The following PTGIS variants were observed in gnomAD, a reference collection of about 807,000 sequenced individuals.
The protein encoded by PTGIS is prostacyclin synthase.
PTGIS carries 45 observed loss-of-function variants against 50.3 expected under a neutral mutation model. The observed-to-expected ratio is 0.90, with a 90% CI of 0.70 to 1.15. The LOEUF is 1.15. PTGIS is among the 50% of genes most tolerant of loss of function. PTGIS has a pLI of 0.00. For missense variants in PTGIS, 668 were observed against 661.3 expected (o/e 1.01, Z -0.11); for synonymous variants, 260 against 267.7 (o/e 0.97, Z 0.28).
intron 2 of PTGIS, among the ~76,000 whole-genome samples, chr20:49,549,582 G>A (rs1982452431): frequency 6.6e-6 from 1 of 151,452 alleles, no homozygotes; most frequent in Non-Finnish European, 1.5e-5. Context: ...ACACATGAAG[G>A]GATAGAAGAT....
At chr20:49,519,206 C>T (rs1981580711) in intron 6 of PTGIS, among the ~76,000 whole-genome samples, 1 of 151,604 alleles carries the variant, frequency 6.6e-6, no homozygotes, top group Admixed American at 6.6e-5. Context: ...GGTCTCGGCC[C>T]ACAGAGTCCT....
At position 49,550,155 on chromosome 20, in the gene PTGIS, T is replaced by A. The variant is rs1434437386; in HGVS notation, c.109A>T (p.Ile37Phe). The A allele has an allele frequency of 6.2e-7, 1 of 1,613,954 alleles. No individual in the cohort carries two copies. Among genetic ancestry groups the A allele is most frequent in the East Asian group, 2.2e-5 (1 of 44,888 alleles). ...TCCAAGGCATACCCCAACCAGGGGATGCTGCCCAGGTCCAGGGGAGGCTCA... is the reference window on the plus strand; with the variant it reads ...TCCAAGGCATACCCCAACCAGGGGAAGCTGCCCAGGTCCAGGGGAGGCTCA... ...PGEPPLDLGS[I>F]PWLGYALDFG... The change falls in exon 2 of 10, where the codon ATC becomes TTC. Residue 37 changes from isoleucine to phenylalanine, a missense_variant. Transcript: ENST00000244043.
At chr20:49,567,667 AC>A (rs1982933666) in intron 1 of PTGIS, among the ~76,000 whole-genome samples, 1 of 152,016 alleles carries the variant, frequency 6.6e-6, no homozygotes, top group African/African-American at 2.4e-5. Flanking sequence ...CGCTTCTTCC[AC>A]CCGGGCCACG....
intron 5 of PTGIS, among the ~76,000 whole-genome samples, chr20:49,533,915 C>T (rs541762231): frequency 3.5e-4 from 53 of 152,066 alleles, no homozygotes; most frequent in Admixed American, 3.0e-3. Context: ...GAGCTAAGAT[C>T]GTGCCACTGC....
At chr20:49,516,064 G>A (rs2122844273) in intron 6 of PTGIS, among the ~76,000 whole-genome samples, 1 of 147,434 alleles carries the variant, frequency 6.8e-6, no homozygotes, top group African/African-American at 2.5e-5. Context: ...TTTTTTGGTA[G>A]AGATGGAGGT....
chr20:49,508,280 G>A (rs1326971664), intron 9 of PTGIS, among the ~76,000 whole-genome samples: 1 of 152,210 alleles, frequency 6.6e-6, no homozygotes, highest in Non-Finnish European at 1.5e-5. Flanking sequence ...TCTGGTGAAT[G>A]GGCTGTGTGC....
chr20:49,546,492 C>T (rs1225654094), intron 3 of PTGIS, among the ~76,000 whole-genome samples: 1 of 152,218 alleles, frequency 6.6e-6, no homozygotes, highest in African/African-American at 2.4e-5. Context: ...AGATGCTCTT[C>T]CTAACCTCCA....
At position 49,505,031 on chromosome 20, in the gene PTGIS, G is replaced by T. The variant is rs1436897726; in HGVS notation, c.*2889C>A. On this transcript the variant is annotated 3_prime_UTR_variant, in exon 10 of 10. Coordinates refer to ENST00000244043, the MANE Select transcript of PTGIS (RefSeq NM_000961.4). ...CCAGCTACTCAGGAGGCTGAGGCAG[G>T]AGAATGGTGTGAACACGGGAGGCAG... 2 of 148,660 alleles carry T rather than the reference G, an allele frequency of 1.3e-5. No homozygotes were observed. The highest frequency in any genetic ancestry group is 6.7e-5 in the Admixed American group (1 of 14,822). The allele number at this position is 148,660 out of a possible 1,614,324, so 9.2% of individuals were successfully genotyped here.
At chr20:49,559,138 C>T (rs565527419) in intron 1 of PTGIS, among the ~76,000 whole-genome samples, 29 of 152,196 alleles carry the variant, frequency 1.9e-4, no homozygotes, top group Middle Eastern at 3.4e-3. Flanking sequence ...ATCCTGCTGT[C>T]CCGATATTTT....
At chr20:49,564,173 T>C (rs1982840119) in intron 1 of PTGIS, among the ~76,000 whole-genome samples, 1 of 152,252 alleles carries the variant, frequency 6.6e-6, no homozygotes, top group Non-Finnish European at 1.5e-5. Flanking sequence ...TATCTTTTTA[T>C]ATTCTCAGGC....
intron 5 of PTGIS, among the ~76,000 whole-genome samples, chr20:49,524,952 C>T (rs572673254): frequency 1.3e-5 from 2 of 152,206 alleles, no homozygotes; most frequent in South Asian, 4.1e-4. Context: ...AATGGTAGTT[C>T]TTTCCAGAGC....
At chr20:49,551,820 G>A (rs498016) in intron 1 of PTGIS, among the ~76,000 whole-genome samples, 1 of 137,106 alleles carries the variant, frequency 7.3e-6, no homozygotes. Flanking sequence ...GTGTGTGTGT[G>A]TGTGTGTGTG....
rs193282905 is a variant in PTGIS at position 49,503,963 on chromosome 20, C to T, written c.*3957G>A. ...TAGAATCTTTATTAAAATAGCAAGG[C>T]ATAACAATCACTGCTACTCAGGAAA... On this transcript the variant is annotated 3_prime_UTR_variant, in exon 10 of 10. Coordinates refer to ENST00000244043, the MANE Select transcript of PTGIS (RefSeq NM_000961.4). The T allele has an allele frequency of 6.6e-6, 1 of 152,382 alleles. No individual in the cohort carries two copies. The highest frequency in any genetic ancestry group is 6.5e-5 in the Admixed American group (1 of 15,306). 9.4% of individuals were successfully genotyped at this position (152,382 alleles called of 1,614,324 possible). A position where few individuals can be genotyped will look rare whatever the true frequency, so the allele number is the denominator to read the frequency against.
chr20:49,532,878 C>T (rs562270279), intron 5 of PTGIS, among the ~76,000 whole-genome samples: 3 of 152,292 alleles, frequency 2.0e-5, no homozygotes, highest in Non-Finnish European at 2.9e-5. Context: ...AAAGATCACA[C>T]ACAGAACACA....
In PTGIS at chr20:49,524,202, C is replaced by A. The variant is rs1981734888; in HGVS notation, c.711G>T (p.Leu237=). 1 of 1,614,234 alleles carries A rather than the reference C, an allele frequency of 6.2e-7. No individual in the cohort carries two copies. The highest frequency in any genetic ancestry group is 8.5e-7 in the Non-Finnish European group (1 of 1,180,038). ...GCCTGGCTGGGGATAGCAGCTTCCA[C>A]AGGCGACTTTTGACACTGCACATGT... is the stretch of plus-strand genomic sequence containing the variant. ...KDHMCSVKSR[L]WKLLSPARLA... Residue 237 remains leucine, a synonymous_variant, in exon 6 of 10, where the codon CTG becomes CTT. Transcript: ENST00000244043.
At chr20:49,527,277 T>A (rs1315835703) in intron 5 of PTGIS, among the ~76,000 whole-genome samples, 3 of 139,132 alleles carry the variant, frequency 2.2e-5, no homozygotes, top group Admixed American at 7.1e-5. Flanking sequence ...AAACCCTGTC[T>A]CTACTAAAAT....
In PTGIS at chr20:49,539,620, C is replaced by T. The variant is rs145802460; in HGVS notation, c.623G>A (p.Arg208His). The T allele has an allele frequency of 3.7e-4, 605 of 1,613,862 alleles. 2 individuals carry two copies. The highest frequency in any genetic ancestry group is 4.6e-4 in the Non-Finnish European group (538 of 1,179,998). ...TTTGGGGAGCAGCCGGTCGAGCTGG[C>T]GAAAGGTGTGGAAGACATCAGCTGA... The part of the protein sequence containing the change: ...VHSADVFHTF[R>H]QLDRLLPKLA... Residue 208 changes from arginine (R) to histidine (H), a missense_variant, in exon 5 of 10, where the codon CGC becomes CAC. Physicochemically the swap from Arg to His is conservative, Grantham distance 29. Coordinates refer to ENST00000244043, the MANE Select transcript of PTGIS (RefSeq NM_000961.4).
intron 1 of PTGIS, among the ~76,000 whole-genome samples, chr20:49,559,249 C>A (rs1340036016): frequency 6.6e-6 from 1 of 151,992 alleles, no homozygotes; most frequent in Non-Finnish European, 1.5e-5. Flanking sequence ...TGTCCCCAGC[C>A]CTTGTGGTAG....
In PTGIS at chr20:49,505,939, G is replaced by C. The variant is rs1457051542; in HGVS notation, c.*1981C>G. 1 of 152,604 alleles carries C rather than the reference G, an allele frequency of 6.6e-6. No individual in the cohort carries two copies. The highest frequency in any genetic ancestry group is 1.5e-5 in the Non-Finnish European group (1 of 68,046). 9.5% of individuals were successfully genotyped at this position (152,604 alleles called of 1,614,324 possible). On this transcript the variant is annotated 3_prime_UTR_variant, in exon 10 of 10. Transcript: ENST00000244043. ...GCCTCTGGGACATTCAGAGGTCTGG[G>C]GTTCTTTTATCTCCCTCCAGCTAAA...
Sources: allele counts gnomAD v4.1 joint callset (sites outside exome capture counted in the v4.1 genomes callset), GRCh38; gene constraint gnomAD v4.1.1; transcripts MANE v1.5; gene names NCBI Gene and HGNC (gene_info 2026-07-23, HGNC 2026-07-21).